Variants in CSPG4 observed in about 807,000 individuals in gnomAD.
CSPG4 encodes chondroitin sulfate proteoglycan 4 (melanoma-associated).
Under a neutral mutation model 139.3 loss-of-function variants are expected in CSPG4, and 74 were observed. The ratio of observed to expected loss-of-function variants is 0.53; its 90% CI spans 0.44 to 0.64. The LOEUF is 0.64. CSPG4 is among the 30% of genes least tolerant of loss of function. CSPG4 has a pLI of 0.00. For synonymous variants in CSPG4, 1,234 were observed against 1,394.2 expected, an observed-to-expected ratio of 0.89 and a Z score of 2.56; for missense variants, 2,565 against 3,148.3, an observed-to-expected ratio of 0.81 and a Z score of 4.43.
In CSPG4 at chr15:75,693,091, C is replaced by T; in HGVS notation, c.231G>A (p.Gln77=). 1 of 1,529,544 alleles carries T rather than the reference C, an allele frequency of 6.5e-7. No individual in the cohort carries two copies. The allele number at this position is 1,529,544 out of a possible 1,614,324, so 94.7% of individuals were successfully genotyped here. A position where few individuals can be genotyped will look rare whatever the true frequency, so the allele number is the denominator to read the frequency against. Reference sequence around the variant, plus strand: ...TCACCTGCAGGCGTCCAGAGTAGAGCTGCAGCAGGAGGTGGTCAGCTGGGC... The same window carrying T: ...TCACCTGCAGGCGTCCAGAGTAGAGTTGCAGCAGGAGGTGGTCAGCTGGGC... ...AAGPADHLLL[Q]LYSGRLQVRL... is the part of the protein sequence containing the mutation. Residue 77 remains glutamine, a synonymous_variant, in exon 2 of 10, where the codon CAG becomes CAA. Transcript: ENST00000308508.
At position 75,677,056 on chromosome 15, in the gene CSPG4, A is replaced by T; in HGVS notation, c.5463T>A (p.Phe1821Leu). Reference protein sequence around the residue: ...SVAGPQTSEAFAITVRDVNER... With the variant: ...SVAGPQTSEALAITVRDVNER... ...CATTTACATCCCTCACCGTGATGGC[A>T]AAGGCCTCTGAGGTTTGGGGTCCAG... The change falls in exon 10 of 10, where the codon TTT becomes TTA. Residue 1821 changes from phenylalanine (F) to leucine (L), a missense_variant. Transcript: ENST00000308508. 7.0e-7 allele frequency: 1 copy of T among 1,422,660 alleles called. No homozygotes were observed. The highest frequency in any genetic ancestry group is 1.6e-5 in the South Asian group (1 of 61,662). 88.1% of individuals were successfully genotyped at this position (1,422,660 alleles called of 1,614,324 possible).
In CSPG4 at chr15:75,688,985, C is replaced by G; in HGVS notation, c.2080G>C (p.Gly694Arg). Residue 694 changes from glycine (G) to arginine (R), a missense_variant, in exon 3 of 10, where the codon GGG becomes CGG. By Grantham distance (125) the Gly-to-Arg change is moderately radical. Around this residue, in one of 5 missense-constraint regions of CSPG4, gnomAD observed 2,316 missense variants for 2,818.2 expected, o/e 0.82. Coordinates refer to ENST00000308508, the MANE Select transcript of CSPG4 (RefSeq NM_001897.5). Reference protein sequence around the residue: ...ANLSVETNAVGQDVSVLFRVT... With the variant: ...ANLSVETNAVRQDVSVLFRVT... ...CGGAACAGCACGCTCACATCCTGCC[C>G]CACGGCATTGGTCTCCACCGACAGG... 1 of 1,612,450 alleles carries G rather than the reference C, an allele frequency of 6.2e-7. No homozygotes were observed. Among genetic ancestry groups the G allele is most frequent in the South Asian group, 1.1e-5 (1 of 91,062 alleles).
intron 2 of CSPG4, among the ~76,000 whole-genome samples, chr15:75,692,704 G>A (rs865823173): frequency 9.2e-3 from 1,392 of 151,294 alleles, no homozygotes; most frequent in African/African-American, 0.032. Flanking sequence ...TTCAAGGAGA[G>A]GCTGGAGTTA....
rs753912977 is a variant in CSPG4, at chr15:75,689,651, C to T, written c.1414G>A (p.Val472Met). The change falls in exon 3 of 10, where the codon GTG (valine) becomes ATG (methionine). Residue 472 changes from valine (V) to methionine (M), a missense_variant. Physicochemically the swap from Val to Met is conservative, Grantham distance 21. This residue lies in a region of CSPG4 where 2,316 missense variants were observed against 2,818.2 expected (regional missense o/e 0.82). Coordinates refer to ENST00000308508, the MANE Select transcript of CSPG4 (RefSeq NM_001897.5). ...TCGCCATGGCGTGCCCCTCGGGTCA[C>T]GCTGAACAGCACCTGGGATTTGCGC... is the stretch of plus-strand genomic sequence containing the variant. The part of the protein sequence containing the change: ...ELRKSQVLFS[V>M]TRGARHGELE... 3.5e-5 allele frequency: 56 copies of T among 1,612,788 alleles called. No homozygotes were observed. Among genetic ancestry groups the T allele is most frequent in the South Asian group, 9.9e-5 (9 of 91,080 alleles).
chr15:75,681,673 C>T, intron 8 of CSPG4, among the ~76,000 whole-genome samples: 1 of 152,232 alleles, frequency 6.6e-6, no homozygotes, highest in Middle Eastern at 3.2e-3. Context: ...GATGACTGGG[C>T]TGGCCCCCAT....
rs571248029 is a variant in CSPG4, at chr15:75,703,299, G to C, written c.88+9369C>G. 1.3e-3 allele frequency among the ~76,000 whole-genome samples: 190 copies of C among 148,756 alleles called. 4 individuals carry two copies. In the South Asian group the frequency reaches 0.04, roughly 31 times the overall value. On this transcript the variant is annotated intron_variant, in intron 1 of 9. Transcript: ENST00000308508. ...ACAGAGAGATGGAGAGAGCGGGATGGGGGGATGGACTGAGAGATCGGGGGT... is the reference window on the plus strand; with the variant it reads ...ACAGAGAGATGGAGAGAGCGGGATGCGGGGATGGACTGAGAGATCGGGGGT...
chr15:75,686,136 G>A (rs139527838), intron 3 of CSPG4, among the ~76,000 whole-genome samples: 1 of 152,164 alleles, frequency 6.6e-6, no homozygotes, highest in East Asian at 1.9e-4. Flanking sequence ...CCCCACACAC[G>A]GTTGCAGGGG....
At position 75,685,367 on chromosome 15, in the gene CSPG4, A is replaced by G. The variant is rs770714172; in HGVS notation, c.4124T>C (p.Leu1375Pro). Reference protein sequence around the residue: ...FSVPEGGSLTLAPPLLRVSGP... With the variant: ...FSVPEGGSLTPAPPLLRVSGP... The stretch of plus-strand genomic sequence containing the variant: ...GGAGACACGGAGCAGTGGAGGGGCC[A>G]GGGTGAGGCTGCCACCCTCAGGGAC... Residue 1375 changes from leucine (L) to proline (P), a missense_variant, in exon 4 of 10, where the codon CTG becomes CCG. By Grantham distance (98) the Leu-to-Pro change is moderately conservative. Transcript: ENST00000308508. 1 of 1,610,282 alleles carries G rather than the reference A, an allele frequency of 6.2e-7. No homozygotes were observed. Among genetic ancestry groups the G allele is most frequent in the African/African-American group, 1.3e-5 (1 of 74,904 alleles).
Position 75,682,455 on chromosome 15 carries a change from G to A in CSPG4, c.4788C>T (p.Ser1596=), listed in dbSNP as rs767985038. Residue 1596 remains serine, a synonymous_variant, in exon 8 of 10, where the codon TCC becomes TCT. Coordinates refer to ENST00000308508, the MANE Select transcript of CSPG4 (RefSeq NM_001897.5). Reference sequence around the variant, plus strand: ...GGGTCTGACTGCTGAGTGGCTGGACGGACCCTGCCAGAGGCAAAAGGGGAT... The same window carrying A: ...GGGTCTGACTGCTGAGTGGCTGGACAGACCCTGCCAGAGGCAAAAGGGGAT... ...GSQTLTVCPG[S]VQPLSSQTLR... is the part of the protein sequence containing the mutation. 1.5e-5 allele frequency: 24 copies of A among 1,579,300 alleles called. No individual in the cohort carries two copies. Among genetic ancestry groups the A allele is most frequent in the African/African-American group, 5.4e-5 (4 of 74,478 alleles).
At chr15:75,699,051 A>C (rs1381082546) in intron 1 of CSPG4, among the ~76,000 whole-genome samples, 2 of 151,808 alleles carry the variant, frequency 1.3e-5, no homozygotes, top group South Asian at 4.2e-4. Context: ...GGATTCCACC[A>C]CCCAGGGCCA....
Position 75,674,891 on chromosome 15 carries a change from T to C in CSPG4, c.*659A>G, listed in dbSNP as rs1893867643. Reference sequence around the variant, plus strand: ...ATCAGTCCTGGCTAGCTCAGCACCATGTTAAATAGCTTCCTTGCAATCTCC... The same window carrying C: ...ATCAGTCCTGGCTAGCTCAGCACCACGTTAAATAGCTTCCTTGCAATCTCC... On this transcript the variant is annotated 3_prime_UTR_variant, in exon 10 of 10. Transcript: ENST00000308508. The C allele has an allele frequency of 5.0e-6, 2 of 398,534 alleles. No individual in the cohort carries two copies. The highest frequency in any genetic ancestry group is 8.8e-6 in the Non-Finnish European group (2 of 226,026). 24.7% of individuals were successfully genotyped at this position (398,534 alleles called of 1,614,324 possible).
chr15:75,685,035 T>C (rs1301856667), intron 4 of CSPG4, 123 bp from the exon 5 acceptor site: 8 of 1,283,956 alleles, frequency 6.2e-6, no homozygotes, highest in Non-Finnish European at 7.6e-6. Context: ...ATGGGGACCA[T>C]AAGTTCTGGC....
chr15:75,688,083 G>C lies in CSPG4; in HGVS notation c.2982C>G (p.Ser994Arg). 6.2e-7 allele frequency: 1 copy of C among 1,612,850 alleles called. No homozygotes were observed. The highest frequency in any genetic ancestry group is 8.5e-7 in the Non-Finnish European group (1 of 1,179,880). Reference sequence around the variant, plus strand: ...CCTCCTCCCAGGCCATGTCACCACTGCTCTCGCCCTGGCGGGTAGCAACAA... The same window carrying C: ...CCTCCTCCCAGGCCATGTCACCACTCCTCTCGCCCTGGCGGGTAGCAACAA... ...IPFVATRQGE[S>R]SGDMAWEEVR... The change falls in exon 3 of 10, where the codon AGC (serine) becomes AGG (arginine). Residue 994 changes from serine to arginine, a missense_variant. Coordinates refer to ENST00000308508, the MANE Select transcript of CSPG4 (RefSeq NM_001897.5).
chr15:75,706,913 C>T (rs1216610837), intron 1 of CSPG4, among the ~76,000 whole-genome samples: 1 of 151,452 alleles, frequency 6.6e-6, no homozygotes, highest in Admixed American at 6.6e-5. Context: ...TTTTTGAGTG[C>T]CAATAGGATA....
At position 75,690,306 on chromosome 15, in the gene CSPG4, C is replaced by A; in HGVS notation, c.759G>T (p.Val253=). 6.2e-7 allele frequency: 1 copy of A among 1,612,992 alleles called. No individual in the cohort carries two copies. The highest frequency in any genetic ancestry group is 1.1e-5 in the South Asian group (1 of 91,078). The change falls in exon 3 of 10, where the codon GTG becomes GTT. Residue 253 remains valine (V), a synonymous_variant. Transcript: ENST00000308508. Reference sequence around the variant, plus strand: ...CCCGCAGGTGGCCCTCAAATATGTCCACATAGATGAAGTCCCCACGCCGGC... The same window carrying A: ...CCCGCAGGTGGCCCTCAAATATGTCAACATAGATGAAGTCCCCACGCCGGC... The part of the protein sequence containing the change: ...AGGRRGDFIY[V]DIFEGHLRAV...
chr15:75,707,070 G>C (rs547113177), intron 1 of CSPG4, among the ~76,000 whole-genome samples: 1 of 151,346 alleles, frequency 6.6e-6, no homozygotes, highest in East Asian at 2.0e-4. Flanking sequence ...CGATTCTCAT[G>C]CCTCAGTATC....
In CSPG4 at chr15:75,687,961, C is replaced by T. The variant is rs1162316777; in HGVS notation, c.3104G>A (p.Arg1035Gln). The change falls in exon 3 of 10, where the codon CGG (arginine) becomes CAG (glutamine). Residue 1035 changes from arginine (R) to glutamine (Q), a missense_variant. Physicochemically the swap from Arg to Gln is conservative, Grantham distance 43. Coordinates refer to ENST00000308508, the MANE Select transcript of CSPG4 (RefSeq NM_001897.5). The surrounding 1 kb of genome is among the most constrained non-coding windows in gnomAD (Gnocchi z 5.4). ...GGCCACGTCGTCTGTAGTCAGCAGC[C>T]GCCGCCCACCCCGGGCCACATGGAA... Reference protein sequence around the residue: ...RIFHVARGGRRLLTTDDVAFS... With the variant: ...RIFHVARGGRQLLTTDDVAFS... 3 of 1,612,660 alleles carry T rather than the reference C, an allele frequency of 1.9e-6. No homozygotes were observed. The highest frequency in any genetic ancestry group is 2.5e-6 in the Non-Finnish European group (3 of 1,179,994).
chr15:75,707,026 T>G (rs1458360876), intron 1 of CSPG4, among the ~76,000 whole-genome samples: 1 of 151,540 alleles, frequency 6.6e-6, no homozygotes, highest in African/African-American at 2.4e-5. Context: ...GACGCGATCT[T>G]AGCTCACTGC....
chr15:75,676,822 C>T lies in CSPG4; in HGVS notation c.5697G>A (p.Val1899=), dbSNP rs981053272. 2.1e-5 allele frequency: 33 copies of T among 1,547,300 alleles called. No homozygotes were observed. The Admixed American group carries it at 3.6e-4, about 17-fold the overall frequency. ...GPVTRFTQAD[V]DSGRLAFVAN... Reference sequence around the variant, plus strand: ...CCACGAAGGCCAGCCGCCCTGAATCCACATCGGCTTGCGTGAAGCGGGTCA... The same window carrying T: ...CCACGAAGGCCAGCCGCCCTGAATCTACATCGGCTTGCGTGAAGCGGGTCA... Residue 1899 remains valine, a synonymous_variant, in exon 10 of 10, where the codon GTG becomes GTA. Coordinates refer to ENST00000308508, the MANE Select transcript of CSPG4 (RefSeq NM_001897.5).
Sources: gnomAD v4.1 joint callset for allele counts (sites outside exome capture counted in the v4.1 genomes callset) on GRCh38, gnomAD v4.1.1 for gene constraint, gnomAD v4.1.1 regional missense constraint, Gnocchi (gnomAD v3.1) non-coding constraint, MANE v1.5 for transcripts, NCBI Gene and HGNC (gene_info 2026-07-23, HGNC 2026-07-21) for gene names.